Variants in CCBE1 observed in about 807,000 individuals in gnomAD.
The protein encoded by CCBE1 is collagen and calcium-binding EGF domain-containing protein 1.
CCBE1 carries 37 observed loss-of-function variants against 50.0 expected under a neutral mutation model. The ratio of observed to expected loss-of-function variants is 0.74; its 90% CI spans 0.57 to 0.97. CCBE1 has a LOEUF of 0.97. Among genes scored for constraint, CCBE1 ranks in the 50% least tolerant of loss-of-function variants. The pLI, the probability that CCBE1 is intolerant of heterozygous loss-of-function variation, is 0.00. For missense variants in CCBE1, 538 were observed against 523.8 expected, an observed-to-expected ratio of 1.03 and a Z score of -0.26; for synonymous variants, 234 against 203.7, an observed-to-expected ratio of 1.15 and a Z score of -1.27.
chr18:59,691,765 T>C (rs931472460), intron 2 of CCBE1, among the ~76,000 whole-genome samples: 12 of 152,120 alleles, frequency 7.9e-5, no homozygotes, highest in Non-Finnish European at 2.9e-5. Context: ...ATGAGCCAAG[T>C]CTTCACAGAG....
chr18:59,482,337 A>G (rs1912611160), intron 2 of CCBE1, among the ~76,000 whole-genome samples: 5 of 152,198 alleles, frequency 3.3e-5, no homozygotes, highest in African/African-American at 9.7e-5. Context: ...ACATTTTTAC[A>G]CTGTTGGTAG....
At chr18:59,571,679 TGAATAAAC>T (rs2052918009) in intron 2 of CCBE1, among the ~76,000 whole-genome samples, 1 of 152,214 alleles carries the variant, frequency 6.6e-6, no homozygotes, top group South Asian at 2.1e-4. Context: ...AATGAATAAA[TGAATAAAC>T]ATATGGATGA....
chr18:59,518,178 G>A (rs1914455417), intron 2 of CCBE1, among the ~76,000 whole-genome samples: 1 of 152,144 alleles, frequency 6.6e-6, no homozygotes, highest in African/African-American at 2.4e-5. Context: ...ACATTTTGAT[G>A]TTAAAGTAAT....
At chr18:59,638,914 T>C (rs1026137883) in intron 2 of CCBE1, among the ~76,000 whole-genome samples, 3 of 152,224 alleles carry the variant, frequency 2.0e-5, no homozygotes, top group South Asian at 2.1e-4. Context: ...ACTATGTTCA[T>C]AGATAACAAG....
rs886054073 is a variant in CCBE1, at chr18:59,435,714, T to C, written c.*194A>G. ...GCAGGTAAATCAATCATTCACTCCCTCATGTCTGCAGGCCTAGGAGGGGAC... is the reference window on the plus strand; with the variant it reads ...GCAGGTAAATCAATCATTCACTCCCCCATGTCTGCAGGCCTAGGAGGGGAC... On this transcript the variant is annotated 3_prime_UTR_variant, in exon 11 of 11. Coordinates refer to ENST00000439986, the MANE Select transcript of CCBE1 (RefSeq NM_133459.4). The C allele has an allele frequency of 3.7e-5, 24 of 649,014 alleles. No homozygotes were observed. The highest frequency in any genetic ancestry group is 6.0e-5 in the Non-Finnish European group (22 of 364,352). 40.2% of individuals were successfully genotyped at this position (649,014 alleles called of 1,614,324 possible). A position where few individuals can be genotyped will look rare whatever the true frequency, so the allele number is the denominator to read the frequency against.
intron 2 of CCBE1, among the ~76,000 whole-genome samples, chr18:59,566,787 C>A (rs1257199012): frequency 6.6e-6 from 1 of 151,946 alleles, no homozygotes; most frequent in Non-Finnish European, 1.5e-5. Flanking sequence ...TTTGTCCAAC[C>A]CCCACCCGCT....
At chr18:59,443,307 G>A (rs1910522717) in intron 7 of CCBE1, among the ~76,000 whole-genome samples, 1 of 152,166 alleles carries the variant, frequency 6.6e-6, no homozygotes, top group Non-Finnish European at 1.5e-5. Flanking sequence ...GCTGGCTCAA[G>A]GGCCACAGCT....
intron 2 of CCBE1, among the ~76,000 whole-genome samples, chr18:59,653,005 AG>A (rs1352595286): frequency 2.6e-5 from 4 of 151,980 alleles, no homozygotes; most frequent in Non-Finnish European, 5.9e-5. Flanking sequence ...GTTTGATGCC[AG>A]CCCCCCGTTA....
At chr18:59,582,319 GC>G (rs2053097110) in intron 2 of CCBE1, among the ~76,000 whole-genome samples, 1 of 152,156 alleles carries the variant, frequency 6.6e-6, no homozygotes, top group East Asian at 1.9e-4. Context: ...CTGAAACCAT[GC>G]CACTTCCACT....
chr18:59,681,660 C>A (rs1261795581), intron 2 of CCBE1, among the ~76,000 whole-genome samples: 1 of 152,212 alleles, frequency 6.6e-6, no homozygotes, highest in Non-Finnish European at 1.5e-5. Context: ...CTGCACTTAC[C>A]CAGCATGAGC....
Position 59,579,399 on chromosome 18 carries a change from TA to T in CCBE1, c.213-99162del, listed in dbSNP as rs111786909. Among the ~76,000 whole-genome samples, 1,335 of 140,652 alleles carry T rather than the reference TA, an allele frequency of 9.5e-3. 8 individuals carry two copies. The highest frequency in any genetic ancestry group is 0.017 in the African/African-American group (679 of 38,994). 92.3% of individuals were successfully genotyped at this position (140,652 alleles called of 152,430 possible). A position where few individuals can be genotyped will look rare whatever the true frequency, so the allele number is the denominator to read the frequency against. On this transcript the variant is annotated intron_variant, in intron 2 of 10. Transcript: ENST00000439986. ...ACCACTAGAATCACATGGGGATCTT[TA>T]AAAAAAAAAAAAAAGATTCCTACGT...
At chr18:59,471,470 G>C (rs904697089) in intron 3 of CCBE1, among the ~76,000 whole-genome samples, 2 of 152,196 alleles carry the variant, frequency 1.3e-5, no homozygotes, top group Non-Finnish European at 2.9e-5. Flanking sequence ...GTAATTGTTA[G>C]TATTTGCACC....
intron 2 of CCBE1, among the ~76,000 whole-genome samples, chr18:59,591,931 T>C (rs1351182167): frequency 6.6e-6 from 1 of 152,192 alleles, no homozygotes; most frequent in Non-Finnish European, 1.5e-5. Context: ...AAACCAAAAA[T>C]GCAAAATGCT....
intron 6 of CCBE1, 40 bp downstream of exon 6, chr18:59,454,807 CTCCT>C (rs1911104529): frequency 1.3e-6 from 2 of 1,525,062 alleles, no homozygotes; most frequent in Non-Finnish European, 1.8e-6. Flanking sequence ...TGGCCAAGCC[CTCCT>C]TCCATCAGGC....
intron 2 of CCBE1, among the ~76,000 whole-genome samples, chr18:59,673,257 C>G: frequency 6.6e-6 from 1 of 152,260 alleles, no homozygotes; most frequent in East Asian, 1.9e-4. Flanking sequence ...TTGAGACCAG[C>G]CTGGCCAACA....
chr18:59,480,071 A>G, intron 3 of CCBE1, 115 bp downstream of exon 3: 2 of 764,070 alleles, frequency 2.6e-6, no homozygotes, highest in East Asian at 2.7e-5. Context: ...ACACAGACAG[A>G]TACACAGATA....
intron 6 of CCBE1, among the ~76,000 whole-genome samples, chr18:59,449,285 G>A (rs1249254337): frequency 2.0e-5 from 3 of 151,994 alleles, no homozygotes; most frequent in African/African-American, 7.3e-5. Flanking sequence ...TGTCTTTAAC[G>A]TGCCTGACTC....
Position 59,469,556 on chromosome 18 carries a change from A to T in CCBE1, c.317T>A (p.Phe106Tyr), listed in dbSNP as rs1245129951. 1 of 1,614,050 alleles carries T rather than the reference A, an allele frequency of 6.2e-7. No individual in the cohort carries two copies. Among genetic ancestry groups the T allele is most frequent in the African/African-American group, 1.3e-5 (1 of 74,922 alleles). ...APCEQQCTDN[F>Y]GRVLCTCYPG... The stretch of plus-strand genomic sequence containing the variant: ...ATAACAAGTACACAGCACTCGGCCA[A>T]AGTTGTCCGTGCACTGCTGTTCACA... The change falls in exon 4 of 11, where the codon TTT (phenylalanine) becomes TAT (tyrosine). Residue 106 changes from phenylalanine to tyrosine, a missense_variant. By Grantham distance (22) the Phe-to-Tyr change is conservative. Transcript: ENST00000439986.
At chr18:59,684,206 TG>T in intron 2 of CCBE1, among the ~76,000 whole-genome samples, 1 of 152,212 alleles carries the variant, frequency 6.6e-6, no homozygotes, top group Admixed American at 6.5e-5. Flanking sequence ...TCCTACACTT[TG>T]GGAGGCCAAG....
Sources: gnomAD v4.1 joint callset for allele counts (sites outside exome capture counted in the v4.1 genomes callset) on GRCh38, gnomAD v4.1.1 for gene constraint, MANE v1.5 for transcripts, NCBI Gene and HGNC (gene_info 2026-07-23, HGNC 2026-07-21) for gene names.